STAB2: variants seen among roughly 807,000 people sequenced by gnomAD.
STAB2 encodes the protein stabilin 2.
Under a neutral mutation model 338.1 loss-of-function variants are expected in STAB2, and 288 were observed. That is an observed-to-expected ratio of 0.85 (90% CI 0.77 to 0.94). The LOEUF is 0.94. Among genes scored for constraint, STAB2 ranks in the 40% least tolerant of loss-of-function variants. The pLI is 0.00. For missense variants in STAB2, 3,141 were observed against 3,210.1 expected, an observed-to-expected ratio of 0.98 and a Z score of 0.52; for synonymous variants, 1,202 against 1,193.3, an observed-to-expected ratio of 1.01 and a Z score of -0.15.
At chr12:103,746,553 T>A (rs1883047237) in intron 57 of STAB2, 44 bp from the exon 58 acceptor site, 1 of 1,596,898 alleles carries the variant, frequency 6.3e-7, no homozygotes, top group Non-Finnish European at 8.6e-7. Context: ...GTTTTAACTC[T>A]TCACACCATG....
chr12:103,761,064 T>C (rs1884499984), intron 65 of STAB2, among the ~76,000 whole-genome samples: 1 of 152,160 alleles, frequency 6.6e-6, no homozygotes, highest in African/African-American at 2.4e-5. Context: ...GTCAGACAAG[T>C]GGGTTGGACA....
At chr12:103,632,405 G>A (rs994184004) in intron 6 of STAB2, among the ~76,000 whole-genome samples, 4 of 152,214 alleles carry the variant, frequency 2.6e-5, no homozygotes, top group African/African-American at 9.6e-5. Flanking sequence ...CCTTGTTGGA[G>A]AGGGTGTGGT....
In STAB2 at chr12:103,610,123, A is replaced by G. The variant is rs539541684; in HGVS notation, c.332-10345A>G. On this transcript the variant is annotated intron_variant, in intron 3 of 68. Coordinates refer to ENST00000388887, the MANE Select transcript of STAB2 (RefSeq NM_017564.10). ...ATTGAGGATTTTTGCATCGATGTTCATCAGGGATATTGGTCTAAAATTATC... is the reference window on the plus strand; with the variant it reads ...ATTGAGGATTTTTGCATCGATGTTCGTCAGGGATATTGGTCTAAAATTATC... 3.8e-3 allele frequency among the ~76,000 whole-genome samples: 577 copies of G among 151,942 alleles called. 6 individuals are homozygous for G. Among genetic ancestry groups the G allele is most frequent in the African/African-American group, 0.014 (558 of 41,300 alleles).
At chr12:103,598,826 G>A (rs571952355) in intron 3 of STAB2, among the ~76,000 whole-genome samples, 15 of 152,236 alleles carry the variant, frequency 9.9e-5, no homozygotes, top group African/African-American at 2.2e-4. Context: ...TATATGCTGC[G>A]TACAATCAGA....
chr12:103,714,213 T>C lies in STAB2; in HGVS notation c.4537+445T>C, dbSNP rs568592490. Among the ~76,000 whole-genome samples, 8 of 152,312 alleles carry C rather than the reference T, an allele frequency of 5.3e-5. No individual in the cohort carries two copies. In the East Asian group the frequency reaches 1.5e-3, roughly 29 times the overall value. On this transcript the variant is annotated intron_variant, in intron 42 of 68. Transcript: ENST00000388887. ...ACAGCATTTACTATGCTTAGCAATA[T>C]ATCAAAGTAACTCTCCCTGAAAACA...
At chr12:103,670,845 C>G (rs1875711747) in intron 22 of STAB2, 38 bp downstream of exon 22, 2 of 1,555,442 alleles carry the variant, frequency 1.3e-6, no homozygotes, top group South Asian at 1.1e-5. Flanking sequence ...CACTCCTAAG[C>G]AAGGTTCCCT....
intron 58 of STAB2, among the ~76,000 whole-genome samples, chr12:103,748,091 T>C (rs1883224227): frequency 2.0e-5 from 3 of 152,168 alleles, no homozygotes; most frequent in African/African-American, 7.2e-5. Flanking sequence ...TTTCTAATAT[T>C]TTTCATGGAT....
chr12:103,717,902 C>T, intron 44 of STAB2, 61 bp downstream of exon 44: 4 of 1,564,192 alleles, frequency 2.6e-6, no homozygotes, highest in Non-Finnish European at 3.5e-6. Flanking sequence ...CCTCCCACCC[C>T]ACTTCTCGGG....
chr12:103,692,725 C>T, intron 30 of STAB2, 87 bp from the exon 31 acceptor site: 1 of 1,124,402 alleles, frequency 8.9e-7, no homozygotes, highest in Non-Finnish European at 1.3e-6. Flanking sequence ...GTCACTGCTG[C>T]TCAAAAAGCA....
chr12:103,681,493 C>T (rs1876894404), intron 25 of STAB2, among the ~76,000 whole-genome samples: 2 of 152,008 alleles, frequency 1.3e-5, no homozygotes, highest in South Asian at 4.2e-4. Context: ...CTCCTAATTT[C>T]AGGTGCTTTG....
intron 47 of STAB2, among the ~76,000 whole-genome samples, chr12:103,728,356 C>T (rs879789266): frequency 3.9e-5 from 6 of 152,232 alleles, no homozygotes; most frequent in Middle Eastern, 3.4e-3. Context: ...GTGATCCACC[C>T]GCCTCGGCCT....
chr12:103,687,532 T>C (rs1214020142), intron 27 of STAB2, among the ~76,000 whole-genome samples: 4 of 152,126 alleles, frequency 2.6e-5, no homozygotes, highest in African/African-American at 9.7e-5. Flanking sequence ...GGTGGCTCTA[T>C]ATATAGAGAG....
chr12:103,636,245 T>G (rs930387529), intron 6 of STAB2, among the ~76,000 whole-genome samples: 47 of 142,184 alleles, frequency 3.3e-4, no homozygotes, highest in African/African-American at 1.1e-3. Context: ...CCCCTTCCTG[T>G]GTCCATGCGT....
intron 10 of STAB2, 110 bp from the exon 11 acceptor site, chr12:103,650,386 A>G: frequency 1.3e-6 from 1 of 775,296 alleles, no homozygotes; most frequent in Non-Finnish European, 2.2e-6. Flanking sequence ...TAGAATAGAG[A>G]AGGGCATAAA....
chr12:103,755,765 C>T, intron 63 of STAB2, 47 bp downstream of exon 63: 3 of 1,596,604 alleles, frequency 1.9e-6, no homozygotes, highest in Admixed American at 1.7e-5. Context: ...GAGGGGTTGC[C>T]TCAAAGCAGG....
intron 3 of STAB2, among the ~76,000 whole-genome samples, chr12:103,619,219 G>C (rs1367597533): frequency 6.6e-6 from 1 of 152,084 alleles, no homozygotes; most frequent in Non-Finnish European, 1.5e-5. Flanking sequence ...TTAAATGGGG[G>C]AACATTTCAT....
rs777825852 is a variant in STAB2 at position 103,715,929 on chromosome 12, G to A, written c.4611+41G>A. On this transcript the variant is annotated intron_variant, in intron 43 of 68. Coordinates refer to ENST00000388887, the MANE Select transcript of STAB2 (RefSeq NM_017564.10). ...CCCAGGCCCTTAGGTTTCCTAAAAGGGAACTCCTAGGTCTTTAGACACAGG... is the reference window on the plus strand; with the variant it reads ...CCCAGGCCCTTAGGTTTCCTAAAAGAGAACTCCTAGGTCTTTAGACACAGG... The A allele has an allele frequency of 5.6e-6, 9 of 1,605,500 alleles. No homozygotes were observed. The Admixed American group carries it at 1.5e-4, about 27-fold the overall frequency.
intron 21 of STAB2, among the ~76,000 whole-genome samples, chr12:103,670,153 G>A (rs1875617218): frequency 6.6e-6 from 1 of 151,894 alleles, no homozygotes; most frequent in South Asian, 2.1e-4. Context: ...TTTTCAAGGG[G>A]AAAGTATCAG....
intron 42 of STAB2, among the ~76,000 whole-genome samples, chr12:103,714,367 A>G (rs1880133560): frequency 6.6e-6 from 1 of 152,230 alleles, no homozygotes; most frequent in South Asian, 2.1e-4. Flanking sequence ...AAATAGCACA[A>G]AAAAGACCCA....
Sources: allele counts gnomAD v4.1 joint callset (sites outside exome capture counted in the v4.1 genomes callset), GRCh38; gene constraint gnomAD v4.1.1; transcripts MANE v1.5; gene names NCBI Gene and HGNC (gene_info 2026-07-23, HGNC 2026-07-21).